Variants in COL27A1 observed in about 807,000 individuals in gnomAD.
COL27A1 encodes the protein collagen alpha-1(XXVII) chain.
In COL27A1, 106 loss-of-function variants were observed where a neutral mutation model predicts 251.3. The observed-to-expected ratio is 0.42, with a 90% CI of 0.36 to 0.50. The LOEUF (loss-of-function observed/expected upper bound fraction) is 0.50, where lower values mean the gene tolerates loss of function less well. Ranked by LOEUF, COL27A1 falls within the 20% of genes least tolerant of loss-of-function variation. The pLI is 0.00. For missense variants in COL27A1, 2,325 were observed against 2,522.8 expected, an observed-to-expected ratio of 0.92 and a Z score of 1.68; for synonymous variants, 1,000 against 986.3, an observed-to-expected ratio of 1.01 and a Z score of -0.26.
chr9:114,224,648 CT>C (rs5900075), intron 14 of COL27A1, among the ~76,000 whole-genome samples: 107 of 97,328 alleles, frequency 1.1e-3, no homozygotes, highest in East Asian at 2.1e-3. Flanking sequence ...CCTCCTGGTT[CT>C]TTTTTTTTTT....
intron 2 of COL27A1, among the ~76,000 whole-genome samples, chr9:114,164,375 C>A (rs1848689835): frequency 6.6e-6 from 1 of 152,220 alleles, no homozygotes; most frequent in African/African-American, 2.4e-5. Context: ...CTCATAGCAG[C>A]TCTGTGCTGG....
At position 114,222,275 on chromosome 9, in the gene COL27A1, C is replaced by T; in HGVS notation, c.2466+8C>T. 8 of 1,611,980 alleles carry T rather than the reference C, an allele frequency of 5.0e-6. No homozygotes were observed. The highest frequency in any genetic ancestry group is 5.9e-6 in the Non-Finnish European group (7 of 1,178,356). ...GGAGTCCCCGGCCTCATTGTAAGTA[C>T]ATTGATGCCTGGGGCAGCAGGTGGG... On this transcript the variant is annotated splice_region_variant and intron_variant, in intron 14 of 60. Transcript: ENST00000356083.
At chr9:114,262,347 A>G (rs2418269) in intron 28 of COL27A1, among the ~76,000 whole-genome samples, 60,995 of 152,128 alleles carry the variant, frequency 0.4, 12,351 homozygotes, top group Admixed American at 0.46. Context: ...TGAGCCCCGT[A>G]ATGCCCACTA....
chr9:114,246,641 G>C (rs1833149737), intron 24 of COL27A1, among the ~76,000 whole-genome samples: 1 of 152,160 alleles, frequency 6.6e-6, no homozygotes, highest in Non-Finnish European at 1.5e-5. Context: ...ACTGATGCTG[G>C]GGATGGCCAT....
intron 49 of COL27A1, among the ~76,000 whole-genome samples, chr9:114,299,865 C>T (rs924302794): frequency 9.9e-5 from 15 of 152,232 alleles, no homozygotes; most frequent in African/African-American, 3.6e-4. Context: ...TCTCATCTGA[C>T]GGAGAGCACA....
chr9:114,169,463 G>A lies in COL27A1; in HGVS notation c.1908G>A (p.Pro636=), dbSNP rs774471736. The A allele has an allele frequency of 6.6e-7, 1 of 1,524,648 alleles. No individual in the cohort carries two copies. Among genetic ancestry groups the A allele is most frequent in the Non-Finnish European group, 8.8e-7 (1 of 1,139,394 alleles). 94.4% of individuals were successfully genotyped at this position (1,524,648 alleles called of 1,614,324 possible). Residue 636 remains proline (P), a splice_region_variant and synonymous_variant, in exon 3 of 61, where the codon CCG becomes CCA. Transcript: ENST00000356083. The part of the protein sequence containing the change: ...PPGPKGDCGL[P]GPPGLPGLPG... Reference sequence around the variant, plus strand: ...GACCCAAGGGAGACTGTGGCTTGCCGGTAAGACTGAGTGGGGTCTGCATGC... The same window carrying A: ...GACCCAAGGGAGACTGTGGCTTGCCAGTAAGACTGAGTGGGGTCTGCATGC...
intron 13 of COL27A1, 116 bp downstream of exon 13, chr9:114,219,960 G>T: frequency 1.3e-6 from 1 of 780,100 alleles, no homozygotes; most frequent in South Asian, 1.5e-5. Flanking sequence ...GCCCTGTGAA[G>T]TACCAGCTGG....
chr9:114,227,800 A>T lies in COL27A1; in HGVS notation c.2467-3279A>T, dbSNP rs11790746. Among the ~76,000 whole-genome samples the T allele has an allele frequency of 2.2e-3, 339 of 152,250 alleles. 2 individuals carry two copies. The highest frequency in any genetic ancestry group is 6.8e-3 in the Middle Eastern group (2 of 294). On this transcript the variant is annotated intron_variant, in intron 14 of 60. Coordinates refer to ENST00000356083, the MANE Select transcript of COL27A1 (RefSeq NM_032888.4). ...TTCCAAATTAAGGGACTTACTCATTATTCTTTTTCATGGGGACATGACATT... is the reference window on the plus strand; with the variant it reads ...TTCCAAATTAAGGGACTTACTCATTTTTCTTTTTCATGGGGACATGACATT...
At chr9:114,299,583 G>A (rs1342249700) in intron 49 of COL27A1, among the ~76,000 whole-genome samples, 1 of 152,242 alleles carries the variant, frequency 6.6e-6, no homozygotes, top group Non-Finnish European at 1.5e-5. Flanking sequence ...CTCTGAGCCT[G>A]TTTCCTCATC....
At chr9:114,251,298 G>A (rs1473541858) in intron 25 of COL27A1, among the ~76,000 whole-genome samples, 1 of 152,018 alleles carries the variant, frequency 6.6e-6, no homozygotes, top group Non-Finnish European at 1.5e-5. Flanking sequence ...GAGGAACTGA[G>A]GTCCAGAGGG....
At chr9:114,192,442 G>A (rs777526538) in intron 5 of COL27A1, among the ~76,000 whole-genome samples, 2 of 152,148 alleles carry the variant, frequency 1.3e-5, no homozygotes, top group African/African-American at 4.8e-5. Context: ...GCAGTGCAAG[G>A]TGAATCCCAG....
chr9:114,291,897 C>A (rs189948740), intron 48 of COL27A1, among the ~76,000 whole-genome samples: 3 of 152,044 alleles, frequency 2.0e-5, no homozygotes, highest in Admixed American at 6.5e-5. Context: ...GCCCGGAATG[C>A]GAGAGGAGAG....
At chr9:114,265,740 G>A (rs1483874461) in intron 32 of COL27A1, among the ~76,000 whole-genome samples, 3 of 152,224 alleles carry the variant, frequency 2.0e-5, no homozygotes, top group Non-Finnish European at 2.9e-5. Context: ...GATGAAATGC[G>A]AAAATGTATA....
At chr9:114,156,128 T>C in intron 1 of COL27A1, 116 bp downstream of exon 1, 1 of 1,266,914 alleles carries the variant, frequency 7.9e-7, no homozygotes, top group Non-Finnish European at 1.0e-6. Flanking sequence ...TCCTGCCCCT[T>C]CCTGCGCCCC....
intron 1 of COL27A1, among the ~76,000 whole-genome samples, chr9:114,158,782 C>A (rs1848298228): frequency 6.6e-6 from 1 of 152,212 alleles, no homozygotes; most frequent in Non-Finnish European, 1.5e-5. Context: ...TGGGTTGCAT[C>A]TCTGTTCCTG....
intron 16 of COL27A1, 46 bp downstream of exon 16, chr9:114,231,912 A>AC (rs1321971751): frequency 1.1e-5 from 17 of 1,586,460 alleles, no homozygotes; most frequent in Non-Finnish European, 1.5e-5. Flanking sequence ...TCTGCATGCC[A>AC]CCCCCCTCTC....
chr9:114,287,413 A>G (rs1241142808), intron 41 of COL27A1, among the ~76,000 whole-genome samples: 1 of 151,978 alleles, frequency 6.6e-6, no homozygotes, highest in African/African-American at 2.4e-5. Context: ...CCTTCCTTGT[A>G]GTTGAAAGGT....
chr9:114,310,845 G>T lies in COL27A1; in HGVS notation c.*150G>T. On this transcript the variant is annotated 3_prime_UTR_variant, in exon 61 of 61. Transcript: ENST00000356083. ...CCCAGCTGTTGTCTGCCCAGTAGAA[G>T]TGGGTGGGGGTAGGAGGGGATAGGG... The T allele has an allele frequency of 1.4e-6, 1 of 715,282 alleles. No homozygotes were observed. Among genetic ancestry groups the T allele is most frequent in the Non-Finnish European group, 2.3e-6 (1 of 440,778 alleles). The allele number at this position is 715,282 out of a possible 1,614,324, so 44.3% of individuals were successfully genotyped here.
At position 114,301,717 on chromosome 9, in the gene COL27A1, G is replaced by A. The variant is rs760204476; in HGVS notation, c.4845G>A (p.Pro1615=). The part of the protein sequence containing the change: ...PPGPRGRPGP[P]GPPGGPIQLQ... ...GCCCCAGAGGGCGGCCCGGCCCCCC[G>A]GTAGGTAACTGAGTGCTGGGTGCAT... Residue 1615 remains proline, a splice_region_variant and synonymous_variant, in exon 55 of 61, where the codon CCG becomes CCA. Coordinates refer to ENST00000356083, the MANE Select transcript of COL27A1 (RefSeq NM_032888.4). 6.8e-6 allele frequency: 11 copies of A among 1,612,202 alleles called. No homozygotes were observed. The highest frequency in any genetic ancestry group is 1.7e-5 in the Admixed American group (1 of 59,794).
Sources: allele counts gnomAD v4.1 joint callset (sites outside exome capture counted in the v4.1 genomes callset), GRCh38; gene constraint gnomAD v4.1.1; transcripts MANE v1.5; gene names NCBI Gene and HGNC (gene_info 2026-07-23, HGNC 2026-07-21).